DNAH12: variants seen among roughly 807,000 people sequenced by gnomAD.
DNAH12 encodes the protein axonemal beta dynein heavy chain 12.
In DNAH12, 285 loss-of-function variants were observed where a neutral mutation model predicts 371.5. The ratio of observed to expected loss-of-function variants is 0.77; its 90% CI spans 0.70 to 0.85. The LOEUF (loss-of-function observed/expected upper bound fraction) is 0.85. Among genes scored for constraint, DNAH12 ranks in the 40% least tolerant of loss-of-function variants. The pLI is 0.00. For missense variants in DNAH12, 3,611 were observed against 3,689.4 expected, an observed-to-expected ratio of 0.98 and a Z score of 0.55; for synonymous variants, 1,200 against 1,213.0, an observed-to-expected ratio of 0.99 and a Z score of 0.22.
intron 60 of DNAH12, among the ~76,000 whole-genome samples, chr3:57,342,734 C>T (rs1419595861): frequency 6.9e-6 from 1 of 144,386 alleles, no homozygotes; most frequent in African/African-American, 2.6e-5. Flanking sequence ...CCAGAATATA[C>T]AAGGAACTCA....
chr3:57,317,783 A>G (rs1350973504), intron 65 of DNAH12, among the ~76,000 whole-genome samples: 1 of 152,128 alleles, frequency 6.6e-6, no homozygotes, highest in African/African-American at 2.4e-5. Context: ...TTGCATTACC[A>G]CCAACAGTGT....
intron 35 of DNAH12, among the ~76,000 whole-genome samples, chr3:57,423,667 A>T (rs12488346): frequency 0.23 from 35,533 of 151,940 alleles, 4,804 homozygotes; most frequent in South Asian, 0.44. Flanking sequence ...AAAAGACACT[A>T]AAAACCTCTT....
At chr3:57,327,939 A>G (rs984201088) in intron 62 of DNAH12, among the ~76,000 whole-genome samples, 23 of 152,122 alleles carry the variant, frequency 1.5e-4, no homozygotes, top group East Asian at 1.2e-3. Context: ...ACACCTCTAC[A>G]CAAATAAACT....
At chr3:57,470,407 C>A in intron 16 of DNAH12, 36 bp downstream of exon 16, 2 of 1,467,544 alleles carry the variant, frequency 1.4e-6, no homozygotes, top group Non-Finnish European at 1.8e-6. Flanking sequence ...TATTTTCTAT[C>A]ATTTGCTTGA....
At chr3:57,376,335 T>C (rs2063281204) in intron 53 of DNAH12, among the ~76,000 whole-genome samples, 1 of 152,060 alleles carries the variant, frequency 6.6e-6, no homozygotes, top group Non-Finnish European at 1.5e-5. Flanking sequence ...CTGTAAAACA[T>C]ACGAACATTT....
chr3:57,445,442 T>C (rs2065454975), intron 27 of DNAH12, 23 bp from the exon 28 acceptor site: 2 of 1,468,390 alleles, frequency 1.4e-6, no homozygotes, highest in South Asian at 1.5e-5. Flanking sequence ...ATAAATGAAA[T>C]ATATTACGTA....
the DNAH12 span, among the ~76,000 whole-genome samples, chr3:57,550,047 G>A: frequency 4.2e-3 from 628 of 150,986 alleles, 6 homozygotes; most frequent in African/African-American, 0.015. Flanking sequence ...GGTGGTTCAC[G>A]CCTGTAATCC....
chr3:57,488,521 G>A (rs1395551547), intron 12 of DNAH12, among the ~76,000 whole-genome samples: 2 of 152,096 alleles, frequency 1.3e-5, no homozygotes, highest in African/African-American at 4.8e-5. Context: ...AGTTGACACA[G>A]TAGAAAACTG....
chr3:57,510,312 T>C (rs1024268973), intron 5 of DNAH12, among the ~76,000 whole-genome samples: 8 of 152,066 alleles, frequency 5.3e-5, no homozygotes, highest in African/African-American at 1.9e-4. Context: ...AGACTCAAAA[T>C]AAAAACTTTA....
chr3:57,464,486 C>A (rs1164792972), intron 17 of DNAH12, among the ~76,000 whole-genome samples: 1 of 152,168 alleles, frequency 6.6e-6, no homozygotes, highest in Non-Finnish European at 1.5e-5. Context: ...GAAAAGGAAG[C>A]AGTGACCTAG....
intron 48 of DNAH12, 81 bp downstream of exon 48, chr3:57,385,268 A>G (rs950812682): frequency 4.2e-4 from 64 of 152,236 alleles, no homozygotes; most frequent in African/African-American, 1.5e-3. Context: ...GTCTAGTAGC[A>G]AAACATTAAC....
rs964593156 is a variant in DNAH12 at position 57,360,624 on chromosome 3, T to C, written c.9360+2970A>G. ...AATCGCTTGAACTCGGAGGCGAAGG[T>C]TGCAATGAGCCAAGATGGTGCCATT... On this transcript the variant is annotated intron_variant, in intron 58 of 73. Coordinates refer to ENST00000495027, the MANE Select transcript of DNAH12 (RefSeq NM_001366028.2). Among the ~76,000 whole-genome samples the C allele has an allele frequency of 7.0e-4, 107 of 152,126 alleles. No individual in the cohort carries two copies. The East Asian group carries it at 0.018, about 26-fold the overall frequency.
intron 55 of DNAH12, among the ~76,000 whole-genome samples, chr3:57,370,709 C>T (rs2063152007): frequency 6.6e-6 from 1 of 152,116 alleles, no homozygotes; most frequent in Non-Finnish European, 1.5e-5. Context: ...CACATACATA[C>T]ATCCACACAT....
At chr3:57,390,408 C>CAA (rs878912244) in intron 45 of DNAH12, among the ~76,000 whole-genome samples, 91 of 6,082 alleles carry the variant, frequency 0.015, 17 homozygotes, top group South Asian at 0.11. Context: ...GATCCTGTCT[C>CAA]AAAAAAAAAA....
intron 11 of DNAH12, among the ~76,000 whole-genome samples, chr3:57,493,502 A>G (rs1575680778): frequency 1.3e-5 from 2 of 152,222 alleles, no homozygotes; most frequent in African/African-American, 4.8e-5. Context: ...ACCTGCAGCT[A>G]CCAAAAGACA....
intron 65 of DNAH12, among the ~76,000 whole-genome samples, chr3:57,318,381 T>C (rs993618926): frequency 2.0e-5 from 3 of 152,186 alleles, no homozygotes; most frequent in Non-Finnish European, 4.4e-5. Context: ...CATGTGGATA[T>C]GCAGTTTTCT....
chr3:57,330,308 C>A (rs913701801), intron 62 of DNAH12, among the ~76,000 whole-genome samples: 2 of 151,544 alleles, frequency 1.3e-5, no homozygotes, highest in Admixed American at 1.3e-4. Context: ...GACTTGGAAC[C>A]AACCCAAATG....
At position 57,446,191 on chromosome 3, in the gene DNAH12, A is replaced by T. The variant is rs1487888649; in HGVS notation, c.4019T>A (p.Val1340Glu). 1.3e-6 allele frequency: 2 copies of T among 1,551,778 alleles called. No individual in the cohort carries two copies. The highest frequency in any genetic ancestry group is 2.4e-5 in the South Asian group (2 of 84,054). Reference sequence around the variant, plus strand: ...AATGCAAAGGATCTGTTGAGCTACCACTGACAACACTTCCAACTCAATTCG... The same window carrying T: ...AATGCAAAGGATCTGTTGAGCTACCTCTGACAACACTTCCAACTCAATTCG... ...FNRIELEVLS[V>E]VAQQILCIQR... Residue 1340 changes from valine (V) to glutamate (E), a missense_variant, in exon 27 of 74, where the codon GTG becomes GAG. Physicochemically the swap from Val to Glu is moderately radical, Grantham distance 121 (BLOSUM62 -2). This residue lies in a region of DNAH12 where 2,266 missense variants were observed against 2,236.9 expected (regional missense o/e 1.01). Transcript: ENST00000495027.
chr3:57,411,549 A>G (rs1452935234), intron 39 of DNAH12, among the ~76,000 whole-genome samples: 2 of 92,694 alleles, frequency 2.2e-5, no homozygotes, highest in Non-Finnish European at 4.7e-5. Context: ...AAAAAAAAAA[A>G]AAAAAAGAAA....
Sources: gnomAD v4.1 joint callset for allele counts (sites outside exome capture counted in the v4.1 genomes callset) on GRCh38, gnomAD v4.1.1 for gene constraint, gnomAD v4.1.1 regional missense constraint, MANE v1.5 for transcripts, NCBI Gene and HGNC (gene_info 2026-07-23, HGNC 2026-07-21) for gene names.